Variants in MGMT observed in about 807,000 individuals in gnomAD.
The protein encoded by MGMT is O-6-methylguanine-DNA methyltransferase.
Under a neutral mutation model 15.9 loss-of-function variants are expected in MGMT, and 14 were observed. The observed-to-expected ratio is 0.88, with a 90% CI of 0.58 to 1.37. The LOEUF is 1.37. Among genes scored for constraint, MGMT ranks in the 40% most tolerant of loss-of-function variants. The pLI is 0.00. For missense variants in MGMT, 282 were observed against 268.1 expected (o/e 1.05, Z -0.36); for synonymous variants, 130 against 118.2 (o/e 1.10, Z -0.65).
chr10:129,574,546 G>A (rs1447878297), intron 2 of MGMT, among the ~76,000 whole-genome samples: 1 of 152,126 alleles, frequency 6.6e-6, no homozygotes, highest in Admixed American at 6.5e-5. Flanking sequence ...TCCTAGCTTG[G>A]GGTAAAAGGC....
intron 2 of MGMT, among the ~76,000 whole-genome samples, chr10:129,629,442 C>T (rs56188118): frequency 0.026 from 3,916 of 152,238 alleles, 80 homozygotes; most frequent in South Asian, 0.061. Flanking sequence ...CATAGGCTGT[C>T]TGTGGCTACT....
At chr10:129,670,702 G>T (rs1421701870) in intron 2 of MGMT, among the ~76,000 whole-genome samples, 1 of 152,128 alleles carries the variant, frequency 6.6e-6, no homozygotes, top group Admixed American at 6.5e-5. Context: ...AAAAGATTAT[G>T]AAGGACATAT....
intron 3 of MGMT, among the ~76,000 whole-genome samples, chr10:129,721,173 G>A (rs1484060169): frequency 1.3e-5 from 2 of 152,254 alleles, no homozygotes; most frequent in South Asian, 2.1e-4. Flanking sequence ...CCACCCAGGT[G>A]ATGTAATAAT....
chr10:129,599,973 AGTAGGTAGGTAGGTAG>A (rs71035597), intron 2 of MGMT, among the ~76,000 whole-genome samples: 47 of 151,468 alleles, frequency 3.1e-4, no homozygotes, highest in African/African-American at 9.4e-4. Flanking sequence ...CCTATAGGTA[AGTAGGTAGGTAGGTAG>A]GTAGGTAGGT....
Position 129,467,268 on chromosome 10 carries a change from T to A in MGMT, c.-41T>A. On this transcript the variant is annotated 5_prime_UTR_variant, in exon 1 of 5. Transcript: ENST00000651593. ...CGCTTTGCGTCCCGACGCCCGCAGGTCCTCGCGGTGCGCACCGTTTGCGAC... is the reference window on the plus strand; with the variant it reads ...CGCTTTGCGTCCCGACGCCCGCAGGACCTCGCGGTGCGCACCGTTTGCGAC... 1 of 1,537,810 alleles carries A rather than the reference T, an allele frequency of 6.5e-7. No individual in the cohort carries two copies. The highest frequency in any genetic ancestry group is 8.8e-7 in the Non-Finnish European group (1 of 1,141,952).
At chr10:129,576,465 A>G (rs185492398) in intron 2 of MGMT, among the ~76,000 whole-genome samples, 4,227 of 152,268 alleles carry the variant, frequency 0.028, 86 homozygotes, top group Middle Eastern at 0.048. Context: ...TGCAGAAAAG[A>G]CCTTTGACAA....
intron 1 of MGMT, among the ~76,000 whole-genome samples, chr10:129,529,626 T>G (rs1335229771): frequency 6.6e-6 from 1 of 151,940 alleles, no homozygotes; most frequent in Non-Finnish European, 1.5e-5. Context: ...GTGATCTGAT[T>G]TACTTGTGTG....
At chr10:129,738,395 G>C (rs1589968452) in intron 3 of MGMT, among the ~76,000 whole-genome samples, 1 of 152,232 alleles carries the variant, frequency 6.6e-6, no homozygotes, top group East Asian at 1.9e-4. Context: ...GTGAGGCAAT[G>C]CCTCGCCCTG....
At chr10:129,555,175 C>T (rs941354257) in intron 2 of MGMT, among the ~76,000 whole-genome samples, 1 of 152,188 alleles carries the variant, frequency 6.6e-6, no homozygotes, top group Non-Finnish European at 1.5e-5. Flanking sequence ...CTACCCGCTG[C>T]CCACATATTT....
At chr10:129,751,918 A>G (rs1848754223) in intron 3 of MGMT, among the ~76,000 whole-genome samples, 1 of 152,050 alleles carries the variant, frequency 6.6e-6, no homozygotes, top group South Asian at 2.1e-4. Context: ...TTTATGGCCC[A>G]GAAGAATATG....
chr10:129,673,629 A>G (rs1282921224), intron 2 of MGMT, among the ~76,000 whole-genome samples: 2 of 152,168 alleles, frequency 1.3e-5, no homozygotes, highest in Non-Finnish European at 2.9e-5. Context: ...GGTTCTGTCC[A>G]CATCGGCTTG....
At chr10:129,737,161 C>G (rs2133167752) in intron 3 of MGMT, among the ~76,000 whole-genome samples, 1 of 152,312 alleles carries the variant, frequency 6.6e-6, no homozygotes, top group Middle Eastern at 3.4e-3. Context: ...TGTTTTCCAA[C>G]TTGGTTCCAT....
At chr10:129,737,585 C>T (rs1373687345) in intron 3 of MGMT, among the ~76,000 whole-genome samples, 4 of 152,184 alleles carry the variant, frequency 2.6e-5, no homozygotes, top group Admixed American at 6.5e-5. Context: ...AGCTTTGTTC[C>T]GTTGCTGGTG....
intron 2 of MGMT, among the ~76,000 whole-genome samples, chr10:129,570,808 C>A (rs1324950640): frequency 2.0e-5 from 3 of 152,128 alleles, no homozygotes; most frequent in African/African-American, 7.2e-5. Context: ...TTCTGCCTAT[C>A]CTTTAATACT....
In MGMT at chr10:129,492,811, T is replaced by C. The variant is rs992672277; in HGVS notation, c.-13+25515T>C. 7.9e-5 allele frequency among the ~76,000 whole-genome samples: 12 copies of C among 152,214 alleles called. No individual in the cohort carries two copies. In the East Asian group the frequency reaches 2.1e-3, roughly 27 times the overall value. ...AATTTTTCTGACTTTTTCCAGTTCCTGTGGGAACATTGGGCTGCCTCCATT... is the reference window on the plus strand; with the variant it reads ...AATTTTTCTGACTTTTTCCAGTTCCCGTGGGAACATTGGGCTGCCTCCATT... On this transcript the variant is annotated intron_variant, in intron 1 of 4. Transcript: ENST00000651593.
At chr10:129,760,176 C>T (rs772321833) in intron 4 of MGMT, among the ~76,000 whole-genome samples, 1 of 152,206 alleles carries the variant, frequency 6.6e-6, no homozygotes, top group Non-Finnish European at 1.5e-5. Context: ...AGCTGGGCCG[C>T]GGGCCATCTG....
chr10:129,759,380 G>T (rs1350844007), intron 4 of MGMT, 39 bp downstream of exon 4: 1 of 1,612,808 alleles, frequency 6.2e-7, no homozygotes, highest in Non-Finnish European at 8.5e-7. Context: ...TGGGTGGCGG[G>T]TGCGTGCAGG....
intron 1 of MGMT, among the ~76,000 whole-genome samples, chr10:129,477,415 C>T (rs893737383): frequency 9.2e-5 from 14 of 152,126 alleles, no homozygotes; most frequent in Non-Finnish European, 1.6e-4. Context: ...TGGACTGAAC[C>T]GTGTCCCCAA....
At chr10:129,506,639 G>A (rs1845628246) in intron 1 of MGMT, among the ~76,000 whole-genome samples, 1 of 152,086 alleles carries the variant, frequency 6.6e-6, no homozygotes. Context: ...CAAAGCCCCA[G>A]CTGCCCTACC....
Sources: allele counts gnomAD v4.1 joint callset (sites outside exome capture counted in the v4.1 genomes callset), GRCh38; gene constraint gnomAD v4.1.1; transcripts MANE v1.5; gene names NCBI Gene and HGNC (gene_info 2026-07-23, HGNC 2026-07-21).